Variants in PRORP observed in about 807,000 individuals in gnomAD.
PRORP encodes the protein mitochondrial ribonuclease P catalytic subunit.
In PRORP, 51 loss-of-function variants were observed where a neutral mutation model predicts 59.4. The ratio of observed to expected loss-of-function variants is 0.86; its 90% CI spans 0.69 to 1.08. The LOEUF (loss-of-function observed/expected upper bound fraction) is 1.08. PRORP is among the 50% of genes least tolerant of loss of function. The probability of loss-of-function intolerance (pLI) is 0.00; values close to 1 mark genes in which losing one functional copy is unlikely to be tolerated. For synonymous variants in PRORP, 231 were observed against 245.6 expected (o/e 0.94, Z 0.55); for missense variants, 646 against 690.3 (o/e 0.94, Z 0.72).
rs74832312 is a variant in PRORP, at chr14:35,210,604, C to T, written c.1275+29827C>T. 5.5e-3 allele frequency among the ~76,000 whole-genome samples: 834 copies of T among 151,318 alleles called. 6 individuals carry two copies. The highest frequency in any genetic ancestry group is 0.02 in the African/African-American group (809 of 41,174). The stretch of plus-strand genomic sequence containing the variant: ...GCTCATGTTGATAAGTATCAGTTAT[C>T]TTGAAAATCAACACATGCAACTAGC... On this transcript the variant is annotated intron_variant, in intron 5 of 7. Coordinates refer to ENST00000534898, the MANE Select transcript of PRORP (RefSeq NM_014672.4).
chr14:35,193,025 A>T (rs548564139), intron 5 of PRORP, among the ~76,000 whole-genome samples: 1 of 151,506 alleles, frequency 6.6e-6, no homozygotes, highest in South Asian at 2.1e-4. Flanking sequence ...AAAGCTTCTA[A>T]TGCTGCATTT....
intron 4 of PRORP, among the ~76,000 whole-genome samples, chr14:35,164,893 G>A (rs28372456): frequency 0.035 from 5,276 of 152,038 alleles, 282 homozygotes; most frequent in African/African-American, 0.12. Context: ...AATAAAATAG[G>A]GAGACCACAT....
At chr14:35,254,417 A>C (rs1205955473) in intron 5 of PRORP, among the ~76,000 whole-genome samples, 3 of 151,790 alleles carry the variant, frequency 2.0e-5, no homozygotes, top group Non-Finnish European at 2.9e-5. Context: ...TTTGAGATGG[A>C]GTTTCGCTCT....
chr14:35,203,863 GA>G (rs1217397851), intron 5 of PRORP, among the ~76,000 whole-genome samples: 1 of 151,518 alleles, frequency 6.6e-6, no homozygotes, highest in African/African-American at 2.4e-5. Context: ...ACTCCATCTC[GA>G]AAAAAAAGAT....
At position 35,137,958 on chromosome 14, in the gene PRORP, T is replaced by C. The variant is rs114169841; in HGVS notation, c.1167+10347T>C. On this transcript the variant is annotated intron_variant, in intron 4 of 7. Coordinates refer to ENST00000534898, the MANE Select transcript of PRORP (RefSeq NM_014672.4). ...GGTTGGTTGTTTTTTTTCCTCACCA[T>C]TTGTATTAATTTGCTAAAGCTGCTA... 4.4e-3 allele frequency among the ~76,000 whole-genome samples: 639 copies of C among 145,794 alleles called. 25 individuals are homozygous for C. The highest frequency in any genetic ancestry group is 0.015 in the African/African-American group (598 of 41,156).
At chr14:35,225,380 CTT>C (rs977364092) in intron 5 of PRORP, among the ~76,000 whole-genome samples, 4 of 151,918 alleles carry the variant, frequency 2.6e-5, no homozygotes, top group Non-Finnish European at 5.9e-5. Context: ...GAGTTTTGCT[CTT>C]GTCGCCCAGG....
intron 5 of PRORP, among the ~76,000 whole-genome samples, chr14:35,193,608 T>C (rs2048937392): frequency 6.6e-6 from 1 of 152,026 alleles, no homozygotes; most frequent in South Asian, 2.1e-4. Context: ...TGCTCAGTAT[T>C]TTTGTGTGTA....
chr14:35,127,438 C>T (rs766098056), intron 3 of PRORP, 41 bp from the exon 4 acceptor site: 26 of 1,409,472 alleles, frequency 1.8e-5, no homozygotes, highest in East Asian at 8.0e-5. Context: ...GAACATTATT[C>T]GACATATTTA....
chr14:35,132,040 T>C (rs1391901933), intron 4 of PRORP, among the ~76,000 whole-genome samples: 1 of 150,782 alleles, frequency 6.6e-6, no homozygotes, highest in East Asian at 2.0e-4. Flanking sequence ...GGTTTCACCA[T>C]GTTGGCCAGG....
chr14:35,251,337 T>A (rs1246304059), intron 5 of PRORP, among the ~76,000 whole-genome samples: 1 of 152,198 alleles, frequency 6.6e-6, no homozygotes, highest in Non-Finnish European at 1.5e-5. Flanking sequence ...CAGCACAGTT[T>A]GCAATTGCAA....
chr14:35,153,570 A>T (rs180688727), intron 4 of PRORP, among the ~76,000 whole-genome samples: 32 of 152,356 alleles, frequency 2.1e-4, no homozygotes, highest in African/African-American at 7.2e-4. Context: ...AGTTCTATTC[A>T]TTAAGCTTCC....
At position 35,202,644 on chromosome 14, in the gene PRORP, T is replaced by G. The variant is rs548729870; in HGVS notation, c.1275+21867T>G. Among the ~76,000 whole-genome samples the G allele has an allele frequency of 2.6e-5, 4 of 152,258 alleles. No individual in the cohort carries two copies. The South Asian group carries it at 8.3e-4, about 32-fold the overall frequency. On this transcript the variant is annotated intron_variant, in intron 5 of 7. Coordinates refer to ENST00000534898, the MANE Select transcript of PRORP (RefSeq NM_014672.4). ...GTTGGTTAGTTTGGTTTTTTTATTT[T>G]TTAGAGACAGGGCCTCCTTCTATCA... is the stretch of plus-strand genomic sequence containing the variant.
chr14:35,175,145 A>G (rs1363072746), intron 4 of PRORP, among the ~76,000 whole-genome samples: 7 of 151,966 alleles, frequency 4.6e-5, no homozygotes, highest in Non-Finnish European at 8.8e-5. Flanking sequence ...TCTATCATTG[A>G]TGGACATTTG....
At chr14:35,237,567 C>CTT (rs2050254088) in intron 5 of PRORP, among the ~76,000 whole-genome samples, 1 of 152,144 alleles carries the variant, frequency 6.6e-6, no homozygotes, top group Non-Finnish European at 1.5e-5. Context: ...TAACTTAAAT[C>CTT]AATTTACAGT....
intron 5 of PRORP, among the ~76,000 whole-genome samples, chr14:35,235,908 A>C (rs538010291): frequency 8.5e-5 from 13 of 152,090 alleles, no homozygotes; most frequent in African/African-American, 3.1e-4. Flanking sequence ...TACCAAAAAA[A>C]CAAACAAAAA....
chr14:35,187,985 G>A (rs993641818), intron 5 of PRORP, among the ~76,000 whole-genome samples: 21 of 150,832 alleles, frequency 1.4e-4, no homozygotes, highest in Non-Finnish European at 2.7e-4. Flanking sequence ...TGAGTAGCTG[G>A]GATTACAGGC....
intron 4 of PRORP, among the ~76,000 whole-genome samples, chr14:35,130,410 C>A (rs1010718957): frequency 6.6e-6 from 1 of 151,810 alleles, no homozygotes; most frequent in African/African-American, 2.4e-5. Context: ...TATACTATGT[C>A]TTTTTGTGTA....
chr14:35,184,588 G>C (rs117325112), intron 5 of PRORP, among the ~76,000 whole-genome samples: 1 of 152,112 alleles, frequency 6.6e-6, no homozygotes, highest in African/African-American at 2.4e-5. Context: ...CATTTGTCAA[G>C]GGGGTTTGTT....
At chr14:35,233,172 G>A (rs989451815) in intron 5 of PRORP, among the ~76,000 whole-genome samples, 4 of 137,666 alleles carry the variant, frequency 2.9e-5, no homozygotes, top group South Asian at 2.2e-4. Flanking sequence ...TGTTTTTTGC[G>A]CCAGGGATAC....
Sources: gnomAD v4.1 joint callset for allele counts (sites outside exome capture counted in the v4.1 genomes callset) on GRCh38, gnomAD v4.1.1 for gene constraint, MANE v1.5 for transcripts, NCBI Gene and HGNC (gene_info 2026-07-23, HGNC 2026-07-21) for gene names.